DYNC2H1: variants seen among roughly 807,000 people sequenced by gnomAD.
The protein encoded by DYNC2H1 is dynein cytoplasmic 2 heavy chain 1.
A neutral mutation model predicts 570.0 loss-of-function variants in DYNC2H1; 410 were observed. That is an observed-to-expected ratio of 0.72 (90% CI 0.66 to 0.78). The LOEUF (loss-of-function observed/expected upper bound fraction) is 0.78, where lower values mean the gene tolerates loss of function less well. Ranked by LOEUF, DYNC2H1 falls within the 30% of genes least tolerant of loss-of-function variation. The pLI, the probability that DYNC2H1 is intolerant of heterozygous loss-of-function variation, is 0.00. For synonymous variants in DYNC2H1, 1,688 were observed against 1,677.6 expected, an observed-to-expected ratio of 1.01 and a Z score of -0.15; for missense variants, 4,865 against 5,046.4, an observed-to-expected ratio of 0.96 and a Z score of 1.09.
At chr11:103,119,900 A>C (rs1858610246) in intron 6 of DYNC2H1, among the ~76,000 whole-genome samples, 1 of 152,246 alleles carries the variant, frequency 6.6e-6, no homozygotes, top group Admixed American at 6.5e-5. Context: ...ACTGAGATTT[A>C]CAACTCAAAT....
At chr11:103,383,080 G>C (rs1482627158) in intron 83 of DYNC2H1, among the ~76,000 whole-genome samples, 1 of 152,180 alleles carries the variant, frequency 6.6e-6, no homozygotes, top group Non-Finnish European at 1.5e-5. Flanking sequence ...AAGGAGTGCT[G>C]CTCTTCAGAA....
chr11:103,251,500 A>G (rs890511019), intron 65 of DYNC2H1, among the ~76,000 whole-genome samples: 11 of 152,172 alleles, frequency 7.2e-5, no homozygotes, highest in African/African-American at 2.7e-4. Context: ...AAGCAAATTA[A>G]CATATCTATC....
chr11:103,373,844 G>A (rs1359245769), intron 83 of DYNC2H1, among the ~76,000 whole-genome samples: 1 of 151,984 alleles, frequency 6.6e-6, no homozygotes, highest in African/African-American at 2.4e-5. Context: ...AATAATATGT[G>A]CTTTTTATAT....
intron 79 of DYNC2H1, among the ~76,000 whole-genome samples, chr11:103,314,175 C>G (rs1278568952): frequency 6.6e-6 from 1 of 152,142 alleles, no homozygotes; most frequent in Non-Finnish European, 1.5e-5. Flanking sequence ...CACCCACTTT[C>G]TATTCTGAGA....
rs886047581 is a variant in DYNC2H1, at chr11:103,468,644, A to G, written c.12704A>G (p.Asn4235Ser). 8 of 1,613,800 alleles carry G rather than the reference A, an allele frequency of 5.0e-6. No individual in the cohort carries two copies. The highest frequency in any genetic ancestry group is 6.8e-6 in the Non-Finnish European group (8 of 1,179,766). Reference sequence around the variant, plus strand: ...TTTGATGGAAATCAACTTTCTGAAAATCAGCTTGATTCTCCCAGCGTGTCA... The same window carrying G: ...TTTGATGGAAATCAACTTTCTGAAAGTCAGCTTGATTCTCCCAGCGTGTCA... ...CSFDGNQLSE[N>S]QLDSPSVSSV... Residue 4235 changes from asparagine (N) to serine (S), a missense_variant, in exon 88 of 89, where the codon AAT (asparagine) becomes AGT (serine). Around this residue, in one of 5 missense-constraint regions of DYNC2H1, gnomAD observed 2,401 missense variants for 2,454.6 expected, o/e 0.98. Transcript: ENST00000375735.
intron 75 of DYNC2H1, among the ~76,000 whole-genome samples, chr11:103,301,358 GC>G (rs1421806635): frequency 2.0e-5 from 3 of 151,790 alleles, no homozygotes; most frequent in African/African-American, 7.3e-5. Context: ...ACTGATCAAG[GC>G]CATGTACATT....
intron 9 of DYNC2H1, 23 bp from the exon 10 acceptor site, chr11:103,121,349 T>C: frequency 6.4e-7 from 1 of 1,568,376 alleles, no homozygotes; most frequent in Non-Finnish European, 8.6e-7. Context: ...TTTGTAATCA[T>C]TTATTTGATT....
At chr11:103,222,908 T>A in intron 58 of DYNC2H1, 57 bp from the exon 59 acceptor site, 1 of 1,603,772 alleles carries the variant, frequency 6.2e-7, no homozygotes, top group Non-Finnish European at 8.5e-7. Context: ...TAGAATTAAC[T>A]TTGCTTTCAT....
At chr11:103,214,832 T>G (rs1441446555) in intron 54 of DYNC2H1, among the ~76,000 whole-genome samples, 1 of 151,344 alleles carries the variant, frequency 6.6e-6, no homozygotes. Context: ...CTTTCATTGG[T>G]ATGCTGTGGT....
At chr11:103,269,612 TA>T (rs1250035232) in intron 70 of DYNC2H1, among the ~76,000 whole-genome samples, 2 of 152,206 alleles carry the variant, frequency 1.3e-5, no homozygotes, top group African/African-American at 4.8e-5. Flanking sequence ...AGACTGTTAA[TA>T]AACTAAAACA....
intron 83 of DYNC2H1, among the ~76,000 whole-genome samples, chr11:103,392,609 A>T (rs921861501): frequency 1.3e-5 from 2 of 152,066 alleles, no homozygotes; most frequent in Non-Finnish European, 2.9e-5. Context: ...AGCTGTTCCT[A>T]TTCGGCCATC....
At chr11:103,222,245 A>C in intron 58 of DYNC2H1, 92 bp downstream of exon 58, 1 of 876,176 alleles carries the variant, frequency 1.1e-6, no homozygotes. Context: ...CCAACTGTTT[A>C]GATCACCTAA....
chr11:103,317,561 C>A (rs1937924814), intron 80 of DYNC2H1, among the ~76,000 whole-genome samples: 1 of 152,130 alleles, frequency 6.6e-6, no homozygotes, highest in East Asian at 1.9e-4. Flanking sequence ...TTTAGAAATG[C>A]AAACCAAAGC....
chr11:103,126,277 G>T (rs1327973342), intron 12 of DYNC2H1, among the ~76,000 whole-genome samples: 3 of 152,136 alleles, frequency 2.0e-5, no homozygotes, highest in African/African-American at 7.2e-5. Context: ...TTAGGGGGCT[G>T]TGCTTTGCTT....
intron 6 of DYNC2H1, 93 bp from the exon 7 acceptor site, chr11:103,120,354 A>G (rs1858637260): frequency 8.2e-7 from 1 of 1,216,814 alleles, no homozygotes; most frequent in Non-Finnish European, 1.1e-6. Flanking sequence ...ACCTAATTTA[A>G]AGAAATTCTT....
At chr11:103,295,347 A>G (rs1866775546) in intron 75 of DYNC2H1, among the ~76,000 whole-genome samples, 1 of 152,220 alleles carries the variant, frequency 6.6e-6, no homozygotes, top group South Asian at 2.1e-4. Context: ...TTCCTGTATT[A>G]GGCTGACTTA....
chr11:103,196,719 G>A (rs1471800799), intron 47 of DYNC2H1, among the ~76,000 whole-genome samples: 1 of 152,152 alleles, frequency 6.6e-6, no homozygotes, highest in African/African-American at 2.4e-5. Flanking sequence ...GTTGTGGCGT[G>A]ATAAGTAGGG....
chr11:103,318,511 C>G (rs1180837402), intron 80 of DYNC2H1, among the ~76,000 whole-genome samples: 2 of 151,976 alleles, frequency 1.3e-5, no homozygotes, highest in African/African-American at 4.8e-5. Flanking sequence ...TACAGTATAC[C>G]TTTGTGTAAT....
intron 85 of DYNC2H1, among the ~76,000 whole-genome samples, chr11:103,448,298 A>ACAT (rs1944493346): frequency 6.6e-6 from 1 of 152,158 alleles, no homozygotes; most frequent in Non-Finnish European, 1.5e-5. Flanking sequence ...CTGTTTAACA[A>ACAT]CATCATGTTC....
Sources: allele counts gnomAD v4.1 joint callset (sites outside exome capture counted in the v4.1 genomes callset), GRCh38; gene constraint gnomAD v4.1.1; regional missense constraint gnomAD v4.1.1; transcripts MANE v1.5; gene names NCBI Gene and HGNC (gene_info 2026-07-23, HGNC 2026-07-21).